ZNF536: variants seen among roughly 807,000 people sequenced by gnomAD.
ZNF536 encodes zinc finger protein 536.
Under a neutral mutation model 84.5 loss-of-function variants are expected in ZNF536, and 13 were observed. That is an observed-to-expected ratio of 0.15 (90% CI 0.10 to 0.24). The LOEUF is 0.24. ZNF536 is among the 10% of genes least tolerant of loss of function. ZNF536 has a pLI of 1.00. For synonymous variants in ZNF536, 811 were observed against 742.5 expected (o/e 1.09, Z -1.50); for missense variants, 1,536 against 1,747.5 (o/e 0.88, Z 2.16).
At chr19:30,438,559 G>T (rs980883459) in intron 1 of ZNF536, among the ~76,000 whole-genome samples, 31 of 152,226 alleles carry the variant, frequency 2.0e-4, no homozygotes, top group African/African-American at 7.2e-4. Flanking sequence ...TCCCTATGGG[G>T]CCTGTAAGGG....
intron 1 of ZNF536, among the ~76,000 whole-genome samples, chr19:30,606,459 G>A (rs1434919724): frequency 6.6e-6 from 1 of 152,102 alleles, no homozygotes; most frequent in Non-Finnish European, 1.5e-5. Flanking sequence ...TGAGTTGGGG[G>A]TTTCCCAGAT....
intron 2 of ZNF536, among the ~76,000 whole-genome samples, chr19:30,326,796 T>TTTTTTTTTG (rs2047044799): frequency 8.4e-6 from 1 of 118,526 alleles, no homozygotes; most frequent in Non-Finnish European, 1.7e-5. Context: ...AAAAGCTTTT[T>TTTTTTTTTG]TTTTTTTTTT....
chr19:30,682,192 T>C (rs1331308220), intron 1 of ZNF536, among the ~76,000 whole-genome samples: 2 of 152,064 alleles, frequency 1.3e-5, no homozygotes, highest in African/African-American at 2.4e-5. Context: ...GGCAAGGGGA[T>C]GAAATCTTAA....
chr19:30,535,075 G>A (rs1171769313), intron 3 of ZNF536, 76 bp downstream of exon 3: 6 of 1,501,882 alleles, frequency 4.0e-6, no homozygotes, highest in South Asian at 2.7e-5. Flanking sequence ...TTCTGGCCCA[G>A]GTCCACAGCT....
intron 1 of ZNF536, among the ~76,000 whole-genome samples, chr19:30,624,635 T>A (rs1600069218): frequency 6.6e-6 from 1 of 152,202 alleles, no homozygotes; most frequent in African/African-American, 2.4e-5. Context: ...AGTCTTGGTG[T>A]TGAGGATCTA....
At chr19:30,525,305 C>A (rs1245892270) in intron 2 of ZNF536, among the ~76,000 whole-genome samples, 2 of 152,192 alleles carry the variant, frequency 1.3e-5, no homozygotes. Context: ...TGGAGCACTT[C>A]CGATGTTTTG....
At chr19:30,225,789 G>C (rs1399047775), upstream of ZNF536, among the ~76,000 whole-genome samples, 1 of 150,730 alleles carries the variant, frequency 6.6e-6, no homozygotes, top group Non-Finnish European at 1.5e-5. Flanking sequence ...GGCAAAGTGA[G>C]TTTGGACTCT....
At chr19:30,295,498 G>A (rs925515077) in intron 2 of ZNF536, among the ~76,000 whole-genome samples, 2 of 152,194 alleles carry the variant, frequency 1.3e-5, no homozygotes, top group African/African-American at 2.4e-5. Flanking sequence ...CTTGGGTATC[G>A]TCCAAGAATT....
chr19:30,651,084 C>T (rs1160322348), intron 1 of ZNF536, among the ~76,000 whole-genome samples: 1 of 152,188 alleles, frequency 6.6e-6, no homozygotes, highest in African/African-American at 2.4e-5. Flanking sequence ...GAAAGCCTCA[C>T]CAACAGCTGC....
At position 30,355,491 on chromosome 19, in the gene ZNF536, G is replaced by A. The variant is rs748259641; in HGVS notation, c.-3+3007G>A. ...CAACCTCGACCTCCTGGGCTCATGC[G>A]ATCCCCGTGCCTTAGCCTCCCAAGT... On this transcript the variant is annotated intron_variant, in intron 3 of 5. Transcript: ENST00000585628. Among the ~76,000 whole-genome samples, 55 of 152,062 alleles carry A rather than the reference G, an allele frequency of 3.6e-4. 1 individual carries two copies. Among genetic ancestry groups the A allele is most frequent in the Non-Finnish European group, 1.0e-4 (7 of 68,012 alleles).
chr19:30,320,996 G>A (rs781033565), intron 2 of ZNF536, among the ~76,000 whole-genome samples: 17 of 152,286 alleles, frequency 1.1e-4, no homozygotes, highest in African/African-American at 1.7e-4. Flanking sequence ...GTCCTCCTGC[G>A]CCTCTATTCC....
At chr19:30,340,447 G>A (rs2047530342) in intron 2 of ZNF536, among the ~76,000 whole-genome samples, 1 of 152,176 alleles carries the variant, frequency 6.6e-6, no homozygotes, top group South Asian at 2.1e-4. Flanking sequence ...TAAGAACAGG[G>A]CTTGGACTCG....
intron 2 of ZNF536, among the ~76,000 whole-genome samples, chr19:30,527,014 G>A (rs2044613616): frequency 6.6e-6 from 1 of 151,776 alleles, no homozygotes; most frequent in Non-Finnish European, 1.5e-5. Context: ...CGCCTCCTGG[G>A]TTCAAGCGAT....
chr19:30,399,497 A>G (rs1468573043), intron 1 of ZNF536, among the ~76,000 whole-genome samples: 1 of 152,076 alleles, frequency 6.6e-6, no homozygotes, highest in Non-Finnish European at 1.5e-5. Flanking sequence ...GCCCATGCTT[A>G]TGTCCTGAAT....
At chr19:30,679,691 G>A (rs982198366) in intron 1 of ZNF536, among the ~76,000 whole-genome samples, 2 of 152,202 alleles carry the variant, frequency 1.3e-5, no homozygotes, top group African/African-American at 4.8e-5. Context: ...GTCGGCTCCC[G>A]GCAGTCTGCA....
At chr19:30,516,558 T>A (rs1456242725) in intron 2 of ZNF536, among the ~76,000 whole-genome samples, 1 of 152,198 alleles carries the variant, frequency 6.6e-6, no homozygotes, top group East Asian at 1.9e-4. Context: ...GAGATGATAA[T>A]GGCGCCTTTC....
chr19:30,692,678 C>A (rs1379999486), intron 1 of ZNF536, among the ~76,000 whole-genome samples: 1 of 152,174 alleles, frequency 6.6e-6, no homozygotes, highest in Non-Finnish European at 1.5e-5. Context: ...GCTGTTGCAA[C>A]TGCTGGCGGT....
At position 30,548,294 on chromosome 19, in the gene ZNF536, C is replaced by A. The variant is rs2146194390; in HGVS notation, c.2675C>A (p.Ser892Tyr). 6.2e-7 allele frequency: 1 copy of A among 1,614,252 alleles called. No individual in the cohort carries two copies. The highest frequency in any genetic ancestry group is 8.5e-7 in the Non-Finnish European group (1 of 1,180,048). ...SDALKGTDLP[S>Y]KSTHFSEIGR... The stretch of plus-strand genomic sequence containing the variant: ...GCTCTGAAAGGCACTGACCTTCCTT[C>A]CAAAAGCACCCACTTCTCTGAGATC... The change falls in exon 4 of 5, where the codon TCC becomes TAC. Residue 892 changes from serine to tyrosine, a missense_variant. Coordinates refer to ENST00000355537, the MANE Select transcript of ZNF536 (RefSeq NM_014717.3).
Position 30,410,465 on chromosome 19 carries a change from C to CTTTTTTTTTTTT in ZNF536, c.-2-33080_-2-33069dup, listed in dbSNP as rs201561646. 2.7e-4 allele frequency among the ~76,000 whole-genome samples: 33 copies of CTTTTTTTTTTTT among 122,618 alleles called. 8 individuals are homozygous for CTTTTTTTTTTTT. Among genetic ancestry groups the CTTTTTTTTTTTT allele is most frequent in the African/African-American group, 1.2e-3 (31 of 24,968 alleles). The allele number at this position is 122,618 out of a possible 152,430, so 80.4% of individuals were successfully genotyped here. On this transcript the variant is annotated intron_variant, in intron 1 of 4. Coordinates refer to ENST00000355537, the MANE Select transcript of ZNF536 (RefSeq NM_014717.3). ...TAAATAAACAATGAAAAGTGAAGGT[C>CTTTTTTTTTTTT]TTTTTTTTTTTTTTTTTTTTTTTTT...
Sources: allele counts gnomAD v4.1 joint callset (sites outside exome capture counted in the v4.1 genomes callset), GRCh38; gene constraint gnomAD v4.1.1; transcripts MANE v1.5; gene names NCBI Gene and HGNC (gene_info 2026-07-23, HGNC 2026-07-21).